The following CCSER1 variants were observed in gnomAD, a reference collection of about 807,000 sequenced individuals.
The protein encoded by CCSER1 is coiled-coil serine rich protein 1.
CCSER1 carries 41 observed loss-of-function variants against 82.0 expected under a neutral mutation model. The observed-to-expected ratio is 0.50, with a 90% CI of 0.39 to 0.65. The LOEUF is 0.65. CCSER1 is among the 30% of genes least tolerant of loss of function. The pLI, the probability that CCSER1 is intolerant of heterozygous loss-of-function variation, is 0.00. For missense variants in CCSER1, 1,119 were observed against 1,064.2 expected, an observed-to-expected ratio of 1.05 and a Z score of -0.72; for synonymous variants, 414 against 383.9, an observed-to-expected ratio of 1.08 and a Z score of -0.92.
chr4:90,847,337 G>T (rs1447961151), intron 8 of CCSER1, among the ~76,000 whole-genome samples: 1 of 152,178 alleles, frequency 6.6e-6, no homozygotes, highest in Non-Finnish European at 1.5e-5. Context: ...CATCTGGCCT[G>T]CGGCAGTGTC....
At chr4:90,757,118 G>T (rs1362171592) in intron 7 of CCSER1, among the ~76,000 whole-genome samples, 2 of 152,046 alleles carry the variant, frequency 1.3e-5, no homozygotes, top group Admixed American at 6.6e-5. Flanking sequence ...AATGGAATTG[G>T]ATAAGAGATT....
intron 5 of CCSER1, among the ~76,000 whole-genome samples, chr4:90,605,213 T>C (rs556902143): frequency 6.6e-6 from 1 of 152,240 alleles, no homozygotes; most frequent in South Asian, 2.1e-4. Flanking sequence ...GGACATAGCA[T>C]CTTTAAGAAC....
chr4:91,136,911 T>A (rs951191939), intron 10 of CCSER1, among the ~76,000 whole-genome samples: 2 of 152,110 alleles, frequency 1.3e-5, no homozygotes, highest in Non-Finnish European at 2.9e-5. Flanking sequence ...TTTTATAATA[T>A]AAAAATTTAA....
intron 9 of CCSER1, among the ~76,000 whole-genome samples, chr4:91,058,297 A>G (rs1300751993): frequency 6.6e-6 from 1 of 152,040 alleles, no homozygotes; most frequent in African/African-American, 2.4e-5. Flanking sequence ...ACACCATGGA[A>G]TACTATGCAG....
At chr4:91,010,306 C>G (rs758271493) in intron 9 of CCSER1, among the ~76,000 whole-genome samples, 1 of 152,110 alleles carries the variant, frequency 6.6e-6, no homozygotes, top group African/African-American at 2.4e-5. Flanking sequence ...CTTATGCATC[C>G]GACTTGATGT....
intron 1 of CCSER1, among the ~76,000 whole-genome samples, chr4:90,243,537 G>A (rs1270757306): frequency 1.3e-5 from 2 of 151,128 alleles, no homozygotes; most frequent in Non-Finnish European, 1.5e-5. Flanking sequence ...GTGAGCCACT[G>A]CTCCCGGCCA....
chr4:91,347,170 G>T (rs1018993366), intron 10 of CCSER1, among the ~76,000 whole-genome samples: 4 of 152,098 alleles, frequency 2.6e-5, no homozygotes, highest in East Asian at 1.9e-4. Context: ...TTTGTGAAAG[G>T]TATAACGTCT....
intron 1 of CCSER1, among the ~76,000 whole-genome samples, chr4:90,260,816 A>C (rs1724192492): frequency 6.6e-6 from 1 of 152,174 alleles, no homozygotes. Flanking sequence ...CCTGGGTTCA[A>C]GCAATTTTCC....
At chr4:90,511,249 C>T (rs892570800) in intron 5 of CCSER1, among the ~76,000 whole-genome samples, 1 of 152,066 alleles carries the variant, frequency 6.6e-6, no homozygotes, top group African/African-American at 2.4e-5. Context: ...GAAACCCCGT[C>T]TCTACTAAAA....
intron 10 of CCSER1, among the ~76,000 whole-genome samples, chr4:91,127,436 C>G (rs1280027872): frequency 6.6e-6 from 1 of 151,968 alleles, no homozygotes; most frequent in Non-Finnish European, 1.5e-5. Context: ...AGAAAGGCCA[C>G]AAGCTTAAGT....
intron 1 of CCSER1, among the ~76,000 whole-genome samples, chr4:90,264,552 T>C (rs1450855243): frequency 1.3e-5 from 2 of 152,144 alleles, no homozygotes; most frequent in African/African-American, 4.8e-5. Flanking sequence ...ACATCCTTCA[T>C]ATTGTGTTAC....
At chr4:91,454,824 G>A (rs1386978824) in intron 10 of CCSER1, among the ~76,000 whole-genome samples, 1 of 151,900 alleles carries the variant, frequency 6.6e-6, no homozygotes, top group Non-Finnish European at 1.5e-5. Flanking sequence ...TCCCCGAGAA[G>A]CTGATGAAAT....
chr4:90,295,144 A>C (rs1054733058), intron 1 of CCSER1, among the ~76,000 whole-genome samples: 2 of 151,992 alleles, frequency 1.3e-5, no homozygotes. Context: ...TTTTCACTAC[A>C]ATAAGCCTGA....
At chr4:90,534,380 C>T (rs1230106468) in intron 5 of CCSER1, among the ~76,000 whole-genome samples, 7 of 152,020 alleles carry the variant, frequency 4.6e-5, no homozygotes, top group African/African-American at 1.7e-4. Context: ...CCGCCCGCCT[C>T]GGCCTCCCGA....
At chr4:91,578,693 CTT>C (rs1560777100) in intron 10 of CCSER1, among the ~76,000 whole-genome samples, 2 of 151,930 alleles carry the variant, frequency 1.3e-5, no homozygotes, top group African/African-American at 2.4e-5. Flanking sequence ...GCTTAATACA[CTT>C]TGGAATATTA....
chr4:90,713,802 C>A (rs781356658), intron 6 of CCSER1, among the ~76,000 whole-genome samples: 2 of 151,880 alleles, frequency 1.3e-5, no homozygotes, highest in Non-Finnish European at 2.9e-5. Context: ...GGTTCAGTCT[C>A]TACATAATCC....
intron 10 of CCSER1, among the ~76,000 whole-genome samples, chr4:91,103,208 T>A (rs1221095382): frequency 1.3e-5 from 2 of 152,084 alleles, no homozygotes; most frequent in African/African-American, 4.8e-5. Context: ...TGACATTAGG[T>A]CCATTCTCTG....
chr4:90,183,077 T>C (rs1243680185), intron 1 of CCSER1, among the ~76,000 whole-genome samples: 2 of 152,156 alleles, frequency 1.3e-5, no homozygotes, highest in Non-Finnish European at 2.9e-5. Flanking sequence ...ATGATTTTTC[T>C]GTAATTATTC....
intron 5 of CCSER1, among the ~76,000 whole-genome samples, chr4:90,604,887 G>T (rs1402834886): frequency 6.6e-6 from 1 of 152,176 alleles, no homozygotes; most frequent in Admixed American, 6.5e-5. Context: ...TCAGCTCTCT[G>T]TAAAGTGGGC....
Sources: allele counts gnomAD v4.1 joint callset (sites outside exome capture counted in the v4.1 genomes callset), GRCh38; gene constraint gnomAD v4.1.1; transcripts MANE v1.5; gene names NCBI Gene and HGNC (gene_info 2026-07-23, HGNC 2026-07-21).